The following PCDHGA5 variants were observed in gnomAD, a reference collection of about 807,000 sequenced individuals.
PCDHGA5 encodes protocadherin gamma subfamily A, 5, also known as protocadherin gamma-A5.
Under a neutral mutation model 56.7 loss-of-function variants are expected in PCDHGA5, and 36 were observed. The observed-to-expected ratio is 0.64, with a 90% CI of 0.49 to 0.84. The LOEUF (loss-of-function observed/expected upper bound fraction) is 0.84. Among genes scored for constraint, PCDHGA5 ranks in the 40% least tolerant of loss-of-function variants. The pLI is 0.00. For synonymous variants in PCDHGA5, 563 were observed against 520.2 expected, an observed-to-expected ratio of 1.08 and a Z score of -1.12; for missense variants, 1,305 against 1,201.5, an observed-to-expected ratio of 1.09 and a Z score of -1.27.
At chr5:141,404,399 G>T (rs1269569845) in intron 1 of PCDHGA5, 2 of 1,613,778 alleles carry the variant, frequency 1.2e-6, no homozygotes, top group African/African-American at 1.3e-5. Context: ...TGATAGCAAT[G>T]AGAATTCTAG....
At chr5:141,382,189 A>G (rs1588915821) in intron 1 of PCDHGA5, among the ~76,000 whole-genome samples, 1 of 152,174 alleles carries the variant, frequency 6.6e-6, no homozygotes, top group African/African-American at 2.4e-5. Flanking sequence ...GGTTCTATAC[A>G]ATCAAAAATT....
intron 1 of PCDHGA5, chr5:141,400,054 C>G: frequency 6.2e-7 from 1 of 1,613,622 alleles, no homozygotes; most frequent in Non-Finnish European, 8.5e-7. Flanking sequence ...GGTTGCTGTG[C>G]GTGATGGTGG....
chr5:141,476,783 G>C lies in PCDHGA5; in HGVS notation c.2422-18024G>C. ...GACGGCGTTGGACGGAGGGACCCCAGCTCTCTCCGCCAGCCTGCCTATTCA... is the reference window on the plus strand; with the variant it reads ...GACGGCGTTGGACGGAGGGACCCCACCTCTCTCCGCCAGCCTGCCTATTCA... On this transcript the variant is annotated intron_variant, in intron 1 of 3. Coordinates refer to ENST00000518069, the MANE Select transcript of PCDHGA5 (RefSeq NM_018918.3). This position sits in a 1 kb window ranked among gnomAD's most constrained non-coding sequence, Gnocchi z 7.6. The C allele has an allele frequency of 6.2e-7, 1 of 1,613,510 alleles. No homozygotes were observed. The highest frequency in any genetic ancestry group is 8.5e-7 in the Non-Finnish European group (1 of 1,180,030).
At chr5:141,412,861 A>T (rs925106716) in intron 1 of PCDHGA5, 19 of 235,604 alleles carry the variant, frequency 8.1e-5, no homozygotes, top group African/African-American at 3.4e-4. Context: ...CAAAGAATCT[A>T]TGTAAAATAT....
At chr5:141,430,392 A>G (rs2097281137) in intron 1 of PCDHGA5, among the ~76,000 whole-genome samples, 1 of 152,136 alleles carries the variant, frequency 6.6e-6, no homozygotes, top group Non-Finnish European at 1.5e-5. Context: ...GGAAAAAAAA[A>G]AAAAGCTCAC....
chr5:141,423,755 G>GGGA, intron 1 of PCDHGA5: 3 of 512,508 alleles, frequency 5.9e-6, no homozygotes, highest in Non-Finnish European at 7.8e-6. Flanking sequence ...CTGTTTGGGG[G>GGGA]GGGGGTGGGG....
rs780310968 is a variant in PCDHGA5 at position 141,414,168 on chromosome 5, T to G, written c.2421+47417T>G. The G allele has an allele frequency of 5.6e-6, 9 of 1,605,598 alleles. No individual in the cohort carries two copies. The African/African-American group carries it at 1.2e-4, about 21-fold the overall frequency. ...TACAAGCAGAAGATGGAGGAGCATA[T>G]CTTGCAACTGCAAAAGTGTTGATTA... On this transcript the variant is annotated intron_variant, in intron 1 of 3. Coordinates refer to ENST00000518069, the MANE Select transcript of PCDHGA5 (RefSeq NM_018918.3).
chr5:141,382,427 G>T (rs1422765851), intron 1 of PCDHGA5, among the ~76,000 whole-genome samples: 1 of 152,138 alleles, frequency 6.6e-6, no homozygotes, highest in African/African-American at 2.4e-5. Context: ...GTGCCCAAAA[G>T]AGTCACTTGA....
In PCDHGA5 at chr5:141,489,993, C is replaced by A; in HGVS notation, c.2422-4814C>A. 6.2e-7 allele frequency: 1 copy of A among 1,614,186 alleles called. No individual in the cohort carries two copies. The highest frequency in any genetic ancestry group is 1.1e-5 in the South Asian group (1 of 91,088). On this transcript the variant is annotated intron_variant, in intron 1 of 3. Transcript: ENST00000518069. The surrounding 1 kb of genome is among the most constrained non-coding windows in gnomAD (Gnocchi z 4.5). ...AATCCTCAGTTCTACGTGTGGGAATCCCAGAGAATGCACCCATTGGTACTC... is the reference window on the plus strand; with the variant it reads ...AATCCTCAGTTCTACGTGTGGGAATACCAGAGAATGCACCCATTGGTACTC...
intron 1 of PCDHGA5, chr5:141,408,120 C>T (rs1375123891): frequency 3.4e-6 from 5 of 1,475,704 alleles, no homozygotes. Flanking sequence ...TCCTCCTGTC[C>T]TGGGCCGAAT....
In PCDHGA5 at chr5:141,364,683, G is replaced by A. The variant is rs1344688036; in HGVS notation, c.353G>A (p.Gly118Glu). 3.7e-6 allele frequency: 6 copies of A among 1,613,976 alleles called. No homozygotes were observed. The highest frequency in any genetic ancestry group is 5.1e-6 in the Non-Finnish European group (6 of 1,179,884). Residue 118 changes from glycine (G) to glutamate (E), a missense_variant, in exon 1 of 4, where the codon GGA becomes GAA. Transcript: ENST00000518069. ...ILVENKMKIY[G>E]VEVEIIDIND... ...GTTGAGAACAAAATGAAAATTTATGGAGTAGAAGTAGAAATAATCGATATT... is the reference window on the plus strand; with the variant it reads ...GTTGAGAACAAAATGAAAATTTATGAAGTAGAAGTAGAAATAATCGATATT...
At chr5:141,375,606 A>G (rs1187736346) in intron 1 of PCDHGA5, 3 of 1,613,806 alleles carry the variant, frequency 1.9e-6, no homozygotes, top group South Asian at 1.1e-5. Context: ...GTGTCCATCA[A>G]CTCCGACACT....
intron 1 of PCDHGA5, among the ~76,000 whole-genome samples, chr5:141,488,741 C>A (rs2099678972): frequency 1.3e-5 from 2 of 152,310 alleles, no homozygotes; most frequent in South Asian, 4.1e-4. Context: ...TGAAGTCATG[C>A]AGGAAGTTGC....
intron 1 of PCDHGA5, chr5:141,409,128 T>C (rs755394129): frequency 6.2e-6 from 10 of 1,613,976 alleles, no homozygotes; most frequent in South Asian, 1.1e-5. Flanking sequence ...TCATTTGATT[T>C]TGAAGATGTA....
intron 1 of PCDHGA5, chr5:141,372,617 C>A: frequency 6.2e-7 from 1 of 1,614,010 alleles, no homozygotes; most frequent in South Asian, 1.1e-5. Flanking sequence ...GAGTTCTCCC[C>A]ACCTACAGCG....
intron 1 of PCDHGA5, among the ~76,000 whole-genome samples, chr5:141,424,906 A>T (rs1417615946): frequency 5.9e-5 from 9 of 152,212 alleles, no homozygotes. Context: ...GATCACAGGA[A>T]TCATTTCCAT....
chr5:141,414,909 C>T (rs1230113440), intron 1 of PCDHGA5: 10 of 1,614,102 alleles, frequency 6.2e-6, no homozygotes, highest in Admixed American at 1.7e-5. Context: ...GTTCCACAGG[C>T]GTGGAGCTGG....
rs1452697214 is a variant in PCDHGA5 at position 141,476,552 on chromosome 5, G to T, written c.2422-18255G>T. ...CCAGGAAATGAAATTGGAGATTAGC[G>T]AGGCCGTGGCTCCGGGGACGCGCTT... On this transcript the variant is annotated intron_variant, in intron 1 of 3. Transcript: ENST00000518069. The surrounding 1 kb of genome is among the most constrained non-coding windows in gnomAD (Gnocchi z 7.6). 6.2e-7 allele frequency: 1 copy of T among 1,614,210 alleles called. No individual in the cohort carries two copies. The highest frequency in any genetic ancestry group is 2.2e-5 in the East Asian group (1 of 44,872).
chr5:141,450,733 C>T (rs886761152), intron 1 of PCDHGA5, among the ~76,000 whole-genome samples: 24 of 152,198 alleles, frequency 1.6e-4, no homozygotes, highest in African/African-American at 5.3e-4. Context: ...GTGATCCGCC[C>T]GCCTTGGCCT....
Sources: allele counts gnomAD v4.1 joint callset (sites outside exome capture counted in the v4.1 genomes callset), GRCh38; gene constraint gnomAD v4.1.1; non-coding constraint Gnocchi (gnomAD v3.1); transcripts MANE v1.5; gene names NCBI Gene and HGNC (gene_info 2026-07-23, HGNC 2026-07-21).